Variants in FNDC3B observed in about 807,000 individuals in gnomAD.
FNDC3B encodes fibronectin type III domain-containing protein 3B.
FNDC3B carries 12 observed loss-of-function variants against 151.5 expected under a neutral mutation model. The observed-to-expected ratio is 0.08, with a 90% CI of 0.05 to 0.13. The LOEUF (loss-of-function observed/expected upper bound fraction) is 0.13, where lower values mean the gene tolerates loss of function less well. FNDC3B is among the 10% of genes least tolerant of loss of function. The probability of loss-of-function intolerance (pLI) is 1.00; values close to 1 mark genes in which losing one functional copy is unlikely to be tolerated. For missense variants in FNDC3B, 1,214 were observed against 1,505.3 expected, an observed-to-expected ratio of 0.81 and a Z score of 3.20; for synonymous variants, 528 against 549.0, an observed-to-expected ratio of 0.96 and a Z score of 0.54.
chr3:172,133,537 T>C lies in FNDC3B; in HGVS notation c.178T>C (p.Cys60Arg). ...AAGAGCAGAGGATGGAACACTTCAG[T>C]GCATTCAAGGTAAGGACATTTTTGG... ...TIRAEDGTLQ[C>R]IQGPAEVPMM... is the part of the protein sequence containing the mutation. Residue 60 changes from cysteine (C) to arginine (R), a missense_variant, in exon 3 of 26, where the codon TGC becomes CGC. Physicochemically the swap from Cys to Arg is radical, Grantham distance 180. Coordinates refer to ENST00000415807, the MANE Select transcript of FNDC3B (RefSeq NM_022763.4). 2 of 1,609,288 alleles carry C rather than the reference T, an allele frequency of 1.2e-6. No homozygotes were observed. Among genetic ancestry groups the C allele is most frequent in the Non-Finnish European group, 1.7e-6 (2 of 1,175,858 alleles).
intron 3 of FNDC3B, among the ~76,000 whole-genome samples, chr3:172,143,308 C>T (rs1245254099): frequency 2.6e-5 from 4 of 151,970 alleles, no homozygotes; most frequent in Non-Finnish European, 5.9e-5. Context: ...TGAAAAAGTC[C>T]AATATATGGA....
intron 6 of FNDC3B, among the ~76,000 whole-genome samples, chr3:172,260,216 A>G (rs958117331): frequency 6.6e-6 from 1 of 152,238 alleles, no homozygotes; most frequent in African/African-American, 2.4e-5. Context: ...TATTGATTTG[A>G]AACTTCTATA....
intron 4 of FNDC3B, chr3:172,237,591 T>G (rs1727232759): frequency 6.6e-6 from 1 of 152,214 alleles, no homozygotes; most frequent in Admixed American, 6.5e-5. Flanking sequence ...AGTGAGACCC[T>G]ATCTCTTAAA....
chr3:172,269,434 AAT>A (rs377003983), intron 6 of FNDC3B, among the ~76,000 whole-genome samples: 25,393 of 148,204 alleles, frequency 0.17, 2,790 homozygotes, highest in African/African-American at 0.33. Context: ...AATTAAAAAA[AAT>A]TTTTTTTTTT....
At chr3:172,227,053 C>T (rs548389020) in intron 4 of FNDC3B, 106 bp downstream of exon 4, 7 of 779,640 alleles carry the variant, frequency 9.0e-6, no homozygotes, top group African/African-American at 5.1e-5. Context: ...ATTTGGGTAC[C>T]GTAGTGCTAG....
rs548211578 is a variant in FNDC3B at position 172,372,337 on chromosome 3, T to C, written c.3009-5933T>C. ...TAGAGTAGAAGACCCCTCAGAGATA[T>C]TGCCAGCGTGGGCTGGGGCTCCTGT... is the stretch of plus-strand genomic sequence containing the variant. On this transcript the variant is annotated intron_variant, in intron 23 of 25. Coordinates refer to ENST00000415807, the MANE Select transcript of FNDC3B (RefSeq NM_022763.4). Among the ~76,000 whole-genome samples the C allele has an allele frequency of 9.2e-5, 14 of 152,196 alleles. No individual in the cohort carries two copies. In the East Asian group the frequency reaches 2.1e-3, roughly 23 times the overall value.
intron 21 of FNDC3B, among the ~76,000 whole-genome samples, chr3:172,350,409 A>G (rs189912658): frequency 6.6e-6 from 1 of 152,346 alleles, no homozygotes; most frequent in East Asian, 1.9e-4. Flanking sequence ...ACAAAGCCCT[A>G]GTTGATAGAA....
At chr3:172,272,448 G>C (rs1006325287) in intron 6 of FNDC3B, among the ~76,000 whole-genome samples, 1 of 152,092 alleles carries the variant, frequency 6.6e-6, no homozygotes, top group African/African-American at 2.4e-5. Flanking sequence ...CCACATCTCT[G>C]GTCAGTGACC....
Position 172,259,677 on chromosome 3 carries a change from C to G in FNDC3B, c.790+8136C>G, listed in dbSNP as rs1265836048. On this transcript the variant is annotated intron_variant, in intron 6 of 25. Coordinates refer to ENST00000415807, the MANE Select transcript of FNDC3B (RefSeq NM_022763.4). ...ATTTACAGCTCAACAAAGAGGAAAC[C>G]ATGGTGGCCCAAATTGTTAATTAGT... 3.3e-5 allele frequency among the ~76,000 whole-genome samples: 5 copies of G among 152,262 alleles called. No homozygotes were observed. In the East Asian group the frequency reaches 7.7e-4, roughly 23 times the overall value.
intron 3 of FNDC3B, among the ~76,000 whole-genome samples, chr3:172,210,640 G>A (rs985178355): frequency 6.6e-6 from 1 of 152,118 alleles, no homozygotes; most frequent in East Asian, 1.9e-4. Context: ...ATAGGTGTGA[G>A]TCACCGTGCC....
At chr3:172,242,740 C>T (rs1333228685) in intron 4 of FNDC3B, among the ~76,000 whole-genome samples, 1 of 152,220 alleles carries the variant, frequency 6.6e-6, no homozygotes, top group Non-Finnish European at 1.5e-5. Flanking sequence ...ACCCTGGAGA[C>T]ATTTTCCCCA....
intron 1 of FNDC3B, among the ~76,000 whole-genome samples, chr3:172,091,919 G>T (rs1404676797): frequency 5.7e-5 from 3 of 52,500 alleles, no homozygotes; most frequent in African/African-American, 1.4e-4. Context: ...TTAGGGAGGT[G>T]AGGGGGTAGG....
chr3:172,283,088 G>A (rs1241534080), intron 6 of FNDC3B, among the ~76,000 whole-genome samples: 1 of 152,188 alleles, frequency 6.6e-6, no homozygotes, highest in Non-Finnish European at 1.5e-5. Context: ...TAGGTGCTCA[G>A]GAAATGTCAG....
Position 172,131,396 on chromosome 3 carries a change from G to GA in FNDC3B, c.112-2060dup, listed in dbSNP as rs1236059229. On this transcript the variant is annotated intron_variant, in intron 2 of 25. Coordinates refer to ENST00000415807, the MANE Select transcript of FNDC3B (RefSeq NM_022763.4). The stretch of plus-strand genomic sequence containing the variant: ...CAACAAGAGCGAAACTCCGTCTCAA[G>GA]AAAAAAAAAAAAAAACCAAATATTT... Among the ~76,000 whole-genome samples the GA allele has an allele frequency of 9.9e-3, 1,048 of 105,928 alleles. 1 individual carries two copies. The highest frequency in any genetic ancestry group is 0.032 in the Middle Eastern group (6 of 190). The allele number at this position is 105,928 out of a possible 152,430, so 69.5% of individuals were successfully genotyped here.
At chr3:172,381,804 CT>C (rs1428148592) in intron 25 of FNDC3B, among the ~76,000 whole-genome samples, 2 of 152,092 alleles carry the variant, frequency 1.3e-5, no homozygotes, top group Non-Finnish European at 2.9e-5. Context: ...TGAACTCGTT[CT>C]TTTTTTATGG....
chr3:172,082,512 G>A (rs866190677), intron 1 of FNDC3B, among the ~76,000 whole-genome samples: 3 of 147,864 alleles, frequency 2.0e-5, no homozygotes, highest in Non-Finnish European at 4.5e-5. Context: ...TTATAGGGCC[G>A]GGAGTCATCC....
chr3:172,253,183 A>T (rs1728169766), intron 6 of FNDC3B, among the ~76,000 whole-genome samples: 1 of 152,240 alleles, frequency 6.6e-6, no homozygotes, highest in South Asian at 2.1e-4. Context: ...GATTTAAGGG[A>T]AATGACTTAG....
chr3:172,146,805 G>C (rs9821928), intron 3 of FNDC3B, among the ~76,000 whole-genome samples: 74,554 of 152,020 alleles, frequency 0.49, 18,622 homozygotes, highest in East Asian at 0.58. Flanking sequence ...TTTTAGCTTT[G>C]GTTATAAGCT....
chr3:172,338,717 T>G (rs1404771475), intron 16 of FNDC3B, among the ~76,000 whole-genome samples: 3 of 152,170 alleles, frequency 2.0e-5, no homozygotes, highest in Non-Finnish European at 4.4e-5. Flanking sequence ...CTCTAACTAT[T>G]AAGGTTTTGT....
Sources: allele counts gnomAD v4.1 joint callset (sites outside exome capture counted in the v4.1 genomes callset), GRCh38; gene constraint gnomAD v4.1.1; transcripts MANE v1.5; gene names NCBI Gene and HGNC (gene_info 2026-07-23, HGNC 2026-07-21).